Variants in RYR3 observed in about 807,000 individuals in gnomAD.
RYR3 encodes the protein ryanodine receptor 3, also known as brain ryanodine receptor-calcium release channel.
A neutral mutation model predicts 584.3 loss-of-function variants in RYR3; 207 were observed. The observed-to-expected ratio is 0.35, with a 90% CI of 0.32 to 0.40. RYR3 has a LOEUF of 0.40. Among genes scored for constraint, RYR3 ranks in the 10% least tolerant of loss-of-function variants. RYR3 has a pLI of 1.00. For synonymous variants in RYR3, 2,416 were observed against 2,248.5 expected (o/e 1.07, Z -2.11); for missense variants, 5,616 against 6,089.2 (o/e 0.92, Z 2.59).
At chr15:33,312,651 C>T (rs887244698) in intron 1 of RYR3, among the ~76,000 whole-genome samples, 1 of 152,266 alleles carries the variant, frequency 6.6e-6, no homozygotes, top group African/African-American at 2.4e-5. Flanking sequence ...CTTGTGTCCT[C>T]CATGATCAGT....
intron 13 of RYR3, among the ~76,000 whole-genome samples, chr15:33,580,628 G>A (rs1396635927): frequency 6.6e-6 from 1 of 152,156 alleles, no homozygotes; most frequent in Non-Finnish European, 1.5e-5. Context: ...ATCAGCTTGG[G>A]GCTTAAGACA....
chr15:33,471,876 GC>G (rs2142207491), intron 1 of RYR3, among the ~76,000 whole-genome samples: 1 of 152,164 alleles, frequency 6.6e-6, no homozygotes, highest in Non-Finnish European at 1.5e-5. Flanking sequence ...GCAACTAAGA[GC>G]CCCTCATTAC....
At chr15:33,678,105 A>G (rs1375595656) in intron 38 of RYR3, among the ~76,000 whole-genome samples, 1 of 152,238 alleles carries the variant, frequency 6.6e-6, no homozygotes, top group Non-Finnish European at 1.5e-5. Context: ...TTACATGGTA[A>G]TGATGAGGAT....
chr15:33,757,300 G>T (rs188729953), intron 59 of RYR3, among the ~76,000 whole-genome samples, 175 bp from the exon 60 acceptor site: 2 of 152,264 alleles, frequency 1.3e-5, no homozygotes, highest in Admixed American at 1.3e-4. Flanking sequence ...ACTCTGGTTT[G>T]AGGCATAGAA....
intron 19 of RYR3, among the ~76,000 whole-genome samples, chr15:33,621,602 C>T (rs886205330): frequency 6.6e-6 from 1 of 152,020 alleles, no homozygotes; most frequent in Non-Finnish European, 1.5e-5. Flanking sequence ...TTAATGTAGG[C>T]GCATTCACAA....
intron 3 of RYR3, among the ~76,000 whole-genome samples, chr15:33,524,886 T>C (rs529607126): frequency 1.0e-3 from 154 of 152,202 alleles, no homozygotes; most frequent in Non-Finnish European, 1.1e-3. Flanking sequence ...CCTTTTGTCA[T>C]AGTGTTACAA....
At chr15:33,369,239 G>A (rs544239157) in intron 1 of RYR3, among the ~76,000 whole-genome samples, 1 of 152,252 alleles carries the variant, frequency 6.6e-6, no homozygotes, top group African/African-American at 2.4e-5. Flanking sequence ...CCTAGCCACT[G>A]CACTCTGTTG....
chr15:33,655,075 C>T (rs578187413), intron 32 of RYR3, among the ~76,000 whole-genome samples: 10 of 152,356 alleles, frequency 6.6e-5, no homozygotes, highest in Non-Finnish European at 1.0e-4. Context: ...GCATGACCCT[C>T]TCTGCACCTC....
intron 3 of RYR3, among the ~76,000 whole-genome samples, chr15:33,525,793 A>G (rs921516414): frequency 2.0e-5 from 3 of 152,220 alleles, no homozygotes; most frequent in African/African-American, 7.2e-5. Flanking sequence ...TATCAAAGGA[A>G]ATGCAAACCT....
chr15:33,434,038 A>G (rs2045443692), intron 1 of RYR3, among the ~76,000 whole-genome samples: 1 of 152,196 alleles, frequency 6.6e-6, no homozygotes, highest in Non-Finnish European at 1.5e-5. Context: ...CTCATTCTCC[A>G]AAATCCTAGG....
At chr15:33,413,535 C>G (rs550643566) in intron 1 of RYR3, among the ~76,000 whole-genome samples, 1 of 152,314 alleles carries the variant, frequency 6.6e-6, no homozygotes, top group African/African-American at 2.4e-5. Flanking sequence ...GATTTAGGGA[C>G]AGGAGTGTGG....
At chr15:33,598,244 C>T (rs1219388209) in intron 16 of RYR3, among the ~76,000 whole-genome samples, 9 of 34,788 alleles carry the variant, frequency 2.6e-4, no homozygotes, top group African/African-American at 1.8e-3. Flanking sequence ...AAAAAAATTG[C>T]TCAAAAAAAA....
chr15:33,432,008 A>G (rs2045197248), intron 1 of RYR3, among the ~76,000 whole-genome samples: 1 of 152,228 alleles, frequency 6.6e-6, no homozygotes, highest in Non-Finnish European at 1.5e-5. Context: ...TATTTCTACT[A>G]GTAAGTCACT....
intron 4 of RYR3, among the ~76,000 whole-genome samples, chr15:33,533,083 C>G (rs956261477): frequency 6.6e-5 from 10 of 152,096 alleles, no homozygotes; most frequent in Admixed American, 2.6e-4. Flanking sequence ...TGCCACTGCA[C>G]TCCAGCCTGG....
Position 33,670,544 on chromosome 15 carries a change from G to A in RYR3, c.5848G>A (p.Glu1950Lys). The stretch of plus-strand genomic sequence containing the variant: ...GAAGGAGCAGCCGACGGAGGAGGAG[G>A]AGAGATGCCCCAGTAAGTGACATTG... ...PEKEQPTEEE[E>K]RCPTTLKELI... The change falls in exon 38 of 104, where the codon GAG becomes AAG. Residue 1950 changes from glutamate to lysine, a missense_variant. By Grantham distance (56) the Glu-to-Lys change is moderately conservative (BLOSUM62 1). Coordinates refer to ENST00000634891, the MANE Select transcript of RYR3 (RefSeq NM_001036.6). 6.3e-7 allele frequency: 1 copy of A among 1,581,338 alleles called. No individual in the cohort carries two copies. Among genetic ancestry groups the A allele is most frequent in the Non-Finnish European group, 8.6e-7 (1 of 1,168,940 alleles).
chr15:33,621,475 G>A lies in RYR3; in HGVS notation c.2358-2332G>A, dbSNP rs539130472. 5.3e-5 allele frequency among the ~76,000 whole-genome samples: 8 copies of A among 152,260 alleles called. 1 individual carries two copies. Among genetic ancestry groups the A allele is most frequent in the African/African-American group, 1.9e-4 (8 of 41,554 alleles). ...TCTCAACAAATAATTTTAAGATTTA[G>A]TCATTATTTCCTGAGGTTCACTAAA... On this transcript the variant is annotated intron_variant, in intron 19 of 103. Coordinates refer to ENST00000634891, the MANE Select transcript of RYR3 (RefSeq NM_001036.6).
intron 12 of RYR3, among the ~76,000 whole-genome samples, chr15:33,579,112 T>G: frequency 6.7e-6 from 1 of 149,180 alleles, no homozygotes; most frequent in African/African-American, 2.5e-5. Flanking sequence ...TAACATGGGG[T>G]TGGGGAACAC....
chr15:33,435,856 CG>C (rs1567232038), intron 1 of RYR3, among the ~76,000 whole-genome samples: 1 of 152,184 alleles, frequency 6.6e-6, no homozygotes. Flanking sequence ...GCTTCCACAG[CG>C]TGGCAAGGAA....
intron 91 of RYR3, among the ~76,000 whole-genome samples, chr15:33,842,742 A>G (rs563739353): frequency 3.2e-4 from 49 of 152,312 alleles, no homozygotes; most frequent in African/African-American, 1.1e-3. Flanking sequence ...AGGCCACAGA[A>G]TGGCTACATC....
Sources: allele counts gnomAD v4.1 joint callset (sites outside exome capture counted in the v4.1 genomes callset), GRCh38; gene constraint gnomAD v4.1.1; transcripts MANE v1.5; gene names NCBI Gene and HGNC (gene_info 2026-07-23, HGNC 2026-07-21).